CNOT9: variants seen among roughly 807,000 people sequenced by gnomAD.
The protein encoded by CNOT9 is CCR4-NOT transcription complex subunit 9, also known as RCD1 required for cell differentiation1 homolog.
CNOT9 carries 8 observed loss-of-function variants against 37.4 expected under a neutral mutation model. The observed-to-expected ratio is 0.21, with a 90% confidence interval of 0.13 to 0.39. The LOEUF is 0.39. CNOT9 is among the 10% of genes least tolerant of loss of function. CNOT9 has a pLI of 1.00. For missense variants in CNOT9, 154 were observed against 365.3 expected (o/e 0.42, Z 4.71); for synonymous variants, 120 against 137.6 (o/e 0.87, Z 0.90).
rs1003471364 is a variant in CNOT9, at chr2:218,597,027, G to C, written c.*2751G>C. The stretch of plus-strand genomic sequence containing the variant: ...TGCTCATTGTTCCTGCTGCTTAAAG[G>C]CTAGGAAAAGGGGGATATACAAAGT... On this transcript the variant is annotated 3_prime_UTR_variant, in exon 8 of 8. Coordinates refer to ENST00000273064, the MANE Select transcript of CNOT9 (RefSeq NM_005444.3). 2.6e-5 allele frequency: 4 copies of C among 151,332 alleles called. No individual in the cohort carries two copies. The highest frequency in any genetic ancestry group is 4.9e-5 in the African/African-American group (2 of 40,908). The allele number at this position is 151,332 out of a possible 1,614,324, so 9.4% of individuals were successfully genotyped here. A position where few individuals can be genotyped will look rare whatever the true frequency, so the allele number is the denominator to read the frequency against.
intron 5 of CNOT9, among the ~76,000 whole-genome samples, chr2:218,590,369 G>A (rs1028681956): frequency 2.0e-5 from 3 of 152,050 alleles, no homozygotes; most frequent in African/African-American, 7.2e-5. Context: ...ATTTTAATCT[G>A]GTTATAGTAC....
intron 1 of CNOT9, chr2:218,573,978 TTA>T (rs1349582479): frequency 2.3e-6 from 1 of 428,658 alleles, no homozygotes; most frequent in Admixed American, 2.6e-5. Flanking sequence ...TTATTTTATT[TTA>T]TGTTTTTGAG....
intron 1 of CNOT9, among the ~76,000 whole-genome samples, chr2:218,578,439 C>T (rs182735126): frequency 3.9e-5 from 6 of 152,280 alleles, no homozygotes; most frequent in Admixed American, 2.0e-4. Flanking sequence ...AAAGGCAGTT[C>T]TTTGTGTTCT....
intron 7 of CNOT9, chr2:218,593,748 A>G: frequency 1.7e-6 from 2 of 1,204,408 alleles, no homozygotes; most frequent in Non-Finnish European, 2.1e-6. Flanking sequence ...ATCCTTGTTA[A>G]TGTACTGATT....
chr2:218,589,666 A>C (rs1233794462), intron 5 of CNOT9, among the ~76,000 whole-genome samples: 2 of 152,030 alleles, frequency 1.3e-5, no homozygotes, highest in African/African-American at 4.8e-5. Context: ...AGGTTTCACT[A>C]TGTTGCCCAG....
rs1466249702 is a variant in CNOT9, at chr2:218,581,447, G to A, written c.204+707G>A. The stretch of plus-strand genomic sequence containing the variant: ...GGCCTCCCAAAATGTTGAGATTACA[G>A]GCATGAGCCACCATGCCTGGCCTGG... On this transcript the variant is annotated intron_variant, in intron 2 of 7. Transcript: ENST00000273064. Among the ~76,000 whole-genome samples the A allele has an allele frequency of 7.9e-5, 12 of 152,034 alleles. No individual in the cohort carries two copies. In the East Asian group the frequency reaches 2.1e-3, roughly 27 times the overall value.
intron 7 of CNOT9, chr2:218,593,491 A>G: frequency 7.8e-7 from 1 of 1,287,314 alleles, no homozygotes; most frequent in Non-Finnish European, 1.0e-6. Flanking sequence ...CTTTGTTTAA[A>G]ATAGCTCTAC....
intron 2 of CNOT9, among the ~76,000 whole-genome samples, chr2:218,582,242 C>G (rs79365933): frequency 1.3e-5 from 2 of 152,136 alleles, no homozygotes; most frequent in Admixed American, 6.5e-5. Context: ...TATGAGTCAC[C>G]GTGGTTGACT....
chr2:218,578,511 C>T (rs1694250816), intron 1 of CNOT9, among the ~76,000 whole-genome samples: 1 of 152,128 alleles, frequency 6.6e-6, no homozygotes, highest in Non-Finnish European at 1.5e-5. Flanking sequence ...CTTTTGGGAA[C>T]TTATAAGTAC....
intron 1 of CNOT9, among the ~76,000 whole-genome samples, chr2:218,571,790 G>C (rs1419347201): frequency 8.1e-6 from 1 of 123,964 alleles, no homozygotes; most frequent in Non-Finnish European, 1.6e-5. Flanking sequence ...TCTTCATGTT[G>C]GTCAGCCTGG....
intron 3 of CNOT9, among the ~76,000 whole-genome samples, chr2:218,583,395 G>A (rs1303992947): frequency 6.6e-6 from 1 of 152,038 alleles, no homozygotes; most frequent in Non-Finnish European, 1.5e-5. Flanking sequence ...TCCCTGACCT[G>A]TTATTGACAC....
At chr2:218,590,137 G>A (rs754401055) in intron 5 of CNOT9, among the ~76,000 whole-genome samples, 1 of 151,554 alleles carries the variant, frequency 6.6e-6, no homozygotes, top group South Asian at 2.1e-4. Flanking sequence ...GAGTGATCTC[G>A]GCTCATTGCA....
chr2:218,580,869 T>C (rs1014362653), intron 2 of CNOT9, 129 bp downstream of exon 2: 25 of 861,924 alleles, frequency 2.9e-5, no homozygotes, highest in Non-Finnish European at 4.3e-5. Flanking sequence ...TAAGAATCTG[T>C]TTTAGAAAGG....
At chr2:218,573,440 T>G (rs1211811253) in intron 1 of CNOT9, among the ~76,000 whole-genome samples, 1 of 151,884 alleles carries the variant, frequency 6.6e-6, no homozygotes, top group Non-Finnish European at 1.5e-5. Context: ...GACACCCAAA[T>G]CCACGTGTTG....
intron 1 of CNOT9, among the ~76,000 whole-genome samples, chr2:218,576,133 C>T (rs1437166673): frequency 6.6e-6 from 1 of 152,164 alleles, no homozygotes; most frequent in East Asian, 1.9e-4. Context: ...CTTCTACTGC[C>T]CGCCTCCTTT....
chr2:218,593,682 A>G, intron 7 of CNOT9: 1 of 1,283,086 alleles, frequency 7.8e-7, no homozygotes, highest in South Asian at 2.4e-5. Flanking sequence ...GTAAAGACAC[A>G]AATTGATAAC....
At chr2:218,577,789 T>C (rs1191451867) in intron 1 of CNOT9, among the ~76,000 whole-genome samples, 1 of 152,138 alleles carries the variant, frequency 6.6e-6, no homozygotes, top group Non-Finnish European at 1.5e-5. Flanking sequence ...GTGGTATCTG[T>C]ATGACAAGAC....
At position 218,580,728 on chromosome 2, in the gene CNOT9, A is replaced by G. The variant is rs1694344115; in HGVS notation, c.192A>G (p.Ala64=). Residue 64 remains alanine (A), a synonymous_variant, in exon 2 of 8, where the codon GCA becomes GCG. Coordinates refer to ENST00000273064, the MANE Select transcript of CNOT9 (RefSeq NM_005444.3). ...PMLWHSFGTI[A]ALLQEIVNIY... ...TGTGGCATTCATTTGGTACTATTGCAGCACTTTTACAGGTGGGTTCATGTC... is the reference window on the plus strand; with the variant it reads ...TGTGGCATTCATTTGGTACTATTGCGGCACTTTTACAGGTGGGTTCATGTC... 2 of 1,613,404 alleles carry G rather than the reference A, an allele frequency of 1.2e-6. No homozygotes were observed. Among genetic ancestry groups the G allele is most frequent in the African/African-American group, 2.7e-5 (2 of 74,936 alleles).
At chr2:218,593,061 C>T (rs1350525641) in intron 7 of CNOT9, 2 of 270,088 alleles carry the variant, frequency 7.4e-6, no homozygotes, top group Non-Finnish European at 1.4e-5. Context: ...GGAACACAGC[C>T]CAGAGGGCTC....
Sources: gnomAD v4.1 joint callset for allele counts (sites outside exome capture counted in the v4.1 genomes callset) on GRCh38, gnomAD v4.1.1 for gene constraint, MANE v1.5 for transcripts, NCBI Gene and HGNC (gene_info 2026-07-23, HGNC 2026-07-21) for gene names.